The following CEP68 variants were observed in gnomAD, a reference collection of about 807,000 sequenced individuals.
CEP68 encodes centrosomal protein 68.
A neutral mutation model predicts 55.3 loss-of-function variants in CEP68; 26 were observed. The ratio of observed to expected loss-of-function variants is 0.47; its 90% confidence interval spans 0.34 to 0.65. The LOEUF (loss-of-function observed/expected upper bound fraction) is 0.65, where lower values mean the gene tolerates loss of function less well. Ranked by LOEUF, CEP68 falls within the 30% of genes least tolerant of loss-of-function variation. The pLI is 0.01. For synonymous variants in CEP68, 402 were observed against 383.2 expected (o/e 1.05, Z -0.57); for missense variants, 957 against 946.7 (o/e 1.01, Z -0.14).
intron 1 of CEP68, among the ~76,000 whole-genome samples, chr2:65,068,840 AAAAG>A (rs1293842257): frequency 1.5e-4 from 23 of 151,984 alleles, no homozygotes; most frequent in African/African-American, 5.1e-4. Flanking sequence ...AAAAAAGAAA[AAAAG>A]AAAAGAAAAG....
chr2:65,062,999 G>A (rs193117646), intron 1 of CEP68, among the ~76,000 whole-genome samples: 1 of 152,222 alleles, frequency 6.6e-6, no homozygotes, highest in Non-Finnish European at 1.5e-5. Flanking sequence ...AGAAGTGAGT[G>A]GGAGGAAGCC....
At chr2:65,065,259 T>C (rs537934387) in intron 1 of CEP68, among the ~76,000 whole-genome samples, 4 of 152,380 alleles carry the variant, frequency 2.6e-5, no homozygotes, top group African/African-American at 9.6e-5. Context: ...ATGCTGAGGA[T>C]GTGCCAGCAC....
At chr2:65,066,706 G>A (rs1429711852) in intron 1 of CEP68, among the ~76,000 whole-genome samples, 45 of 114,926 alleles carry the variant, frequency 3.9e-4, no homozygotes, top group African/African-American at 1.3e-3. Flanking sequence ...CAGCCTGGAA[G>A]ACAGAGTGAG....
chr2:65,074,181 G>A lies in CEP68; in HGVS notation c.1885-101G>A. 3 of 1,405,788 alleles carry A rather than the reference G, an allele frequency of 2.1e-6. No homozygotes were observed. The South Asian group carries it at 3.9e-5, about 18-fold the overall frequency. 87.1% of individuals were successfully genotyped at this position (1,405,788 alleles called of 1,614,324 possible). On this transcript the variant is annotated intron_variant, in intron 3 of 6. Transcript: ENST00000377990. ...AAGGAGGAGAGAGGAAACTGAAGGT[G>A]CACAGTCTGTCTCCAAGTCCTCCTG...
chr2:65,057,192 A>T (rs1675667823), intron 1 of CEP68, among the ~76,000 whole-genome samples: 1 of 152,228 alleles, frequency 6.6e-6, no homozygotes, highest in Non-Finnish European at 1.5e-5. Context: ...TATTGTTTGT[A>T]ACAAAAATGA....
intron 4 of CEP68, chr2:65,075,385 A>C (rs1344669782): frequency 1.3e-5 from 2 of 152,202 alleles, no homozygotes; most frequent in African/African-American, 4.8e-5. Context: ...CCTGGGCCAC[A>C]GACCGAGACC....
intron 1 of CEP68, among the ~76,000 whole-genome samples, chr2:65,057,692 T>A (rs1396553590): frequency 2.0e-5 from 3 of 152,230 alleles, no homozygotes; most frequent in Admixed American, 6.5e-5. Context: ...AGCGTGGTAG[T>A]CTAAAGGTGA....
intron 6 of CEP68, 124 bp downstream of exon 6, chr2:65,082,833 C>A: frequency 3.9e-6 from 3 of 773,730 alleles, no homozygotes; most frequent in Non-Finnish European, 5.8e-6. Flanking sequence ...AAGAAGACAG[C>A]CAATGGTACT....
intron 1 of CEP68, among the ~76,000 whole-genome samples, chr2:65,057,267 C>A (rs1442260290): frequency 1.3e-5 from 2 of 152,142 alleles, no homozygotes; most frequent in Admixed American, 6.5e-5. Flanking sequence ...AGGGAGGTAG[C>A]GTTTGTAAAT....
In CEP68 at chr2:65,071,702, C is replaced by G. The variant is rs1223105110; in HGVS notation, c.606C>G (p.Ser202=). ...CCAGCTGCAGCATCTCTGCTTCCTCCACAGGCAGCAGTCTCCAGGGTCACC... is the reference window on the plus strand; with the variant it reads ...CCAGCTGCAGCATCTCTGCTTCCTCGACAGGCAGCAGTCTCCAGGGTCACC... The part of the protein sequence containing the change: ...QPSSCSISAS[S]TGSSLQGHQE... Residue 202 remains serine, a synonymous_variant, in exon 3 of 7, where the codon TCC becomes TCG. Coordinates refer to ENST00000377990, the MANE Select transcript of CEP68 (RefSeq NM_015147.3). 6.2e-7 allele frequency: 1 copy of G among 1,614,004 alleles called. No homozygotes were observed. The highest frequency in any genetic ancestry group is 1.3e-5 in the African/African-American group (1 of 74,928).
chr2:65,070,417 GACCGGA>G (rs1676404990), intron 2 of CEP68, among the ~76,000 whole-genome samples: 1 of 151,880 alleles, frequency 6.6e-6, no homozygotes, highest in East Asian at 1.9e-4. Flanking sequence ...ATTGGGAGGT[GACCGGA>G]ATGATCTGTT....
rs1246082493 is a variant in CEP68, at chr2:65,083,947, C to G, written c.*313C>G. ...TCCCATTAAAAAAGAGCAGATAAAG[C>G]TCAAACTATTCCACCTGGTAGGGTC... On this transcript the variant is annotated 3_prime_UTR_variant, in exon 7 of 7. Transcript: ENST00000377990. 1 of 152,158 alleles carries G rather than the reference C, an allele frequency of 6.6e-6. No individual in the cohort carries two copies. The highest frequency in any genetic ancestry group is 1.9e-4 in the East Asian group (1 of 5,200). 9.4% of individuals were successfully genotyped at this position (152,158 alleles called of 1,614,324 possible).
rs1191433905 is a variant in CEP68 at position 65,072,799 on chromosome 2, C to G, written c.1703C>G (p.Ser568Cys). 6.2e-7 allele frequency: 1 copy of G among 1,614,176 alleles called. No homozygotes were observed. The highest frequency in any genetic ancestry group is 8.5e-7 in the Non-Finnish European group (1 of 1,180,034). ...CGCTCCTTCGTCCGTGCCCACGACT[C>G]CGCAGGGGAAGGCAGTCTGGGGAGC... is the stretch of plus-strand genomic sequence containing the variant. ...FLRSFVRAHD[S>C]AGEGSLGSSQ... The change falls in exon 3 of 7, where the codon TCC (serine) becomes TGC (cysteine). Residue 568 changes from serine (S) to cysteine (C), a missense_variant. Transcript: ENST00000377990.
At chr2:65,062,256 A>G (rs1573017354) in intron 1 of CEP68, among the ~76,000 whole-genome samples, 1 of 152,220 alleles carries the variant, frequency 6.6e-6, no homozygotes, top group Non-Finnish European at 1.5e-5. Context: ...AGTCCTGGCC[A>G]GGTGCGGTGA....
intron 1 of CEP68, among the ~76,000 whole-genome samples, chr2:65,057,687 G>A (rs572224268): frequency 4.6e-5 from 7 of 152,174 alleles, no homozygotes; most frequent in Non-Finnish European, 1.0e-4. Context: ...AAATCAGCGT[G>A]GTAGTCTAAA....
chr2:65,070,715 G>A (rs1158376138), intron 2 of CEP68: 2 of 152,104 alleles, frequency 1.3e-5, no homozygotes, highest in Admixed American at 1.3e-4. Flanking sequence ...ACGGGGATGA[G>A]TCCGGTGCTT....
chr2:65,068,510 CCCAGG>C (rs1676305113), intron 1 of CEP68, among the ~76,000 whole-genome samples: 1 of 152,214 alleles, frequency 6.6e-6, no homozygotes, highest in African/African-American at 2.4e-5. Context: ...TGCAGCATAA[CCCAGG>C]CCAGCCTGAG....
In CEP68 at chr2:65,074,019, C is replaced by T. The variant is rs1676638735; in HGVS notation, c.1885-263C>T. 1.6e-5 allele frequency: 6 copies of T among 374,756 alleles called. No individual in the cohort carries two copies. In the South Asian group the frequency reaches 1.7e-4, roughly 10 times the overall value. The allele number at this position is 374,756 out of a possible 1,614,324, so 23.2% of individuals were successfully genotyped here. A position where few individuals can be genotyped will look rare whatever the true frequency, so the allele number is the denominator to read the frequency against. On this transcript the variant is annotated intron_variant, in intron 3 of 6. Transcript: ENST00000377990. The stretch of plus-strand genomic sequence containing the variant: ...CAAGAATTGGTTTCCATGGCAGGCA[C>T]GCCTCTTCTGGGCTGCTCCATTCCT...
chr2:65,068,005 CGCAGCCATTCCCCCTTT>C (rs925667968), intron 1 of CEP68, among the ~76,000 whole-genome samples: 9 of 152,122 alleles, frequency 5.9e-5, no homozygotes, highest in African/African-American at 2.2e-4. Context: ...AAGATGAGCC[CGCAGCCATTCCCCCTTT>C]GCAGGCTCTC....
Sources: gnomAD v4.1 joint callset for allele counts (sites outside exome capture counted in the v4.1 genomes callset) on GRCh38, gnomAD v4.1.1 for gene constraint, MANE v1.5 for transcripts, NCBI Gene and HGNC (gene_info 2026-07-23, HGNC 2026-07-21) for gene names.